ANO1: variants seen among roughly 807,000 people sequenced by gnomAD.
ANO1 encodes the protein anoctamin-1.
A neutral mutation model predicts 124.0 loss-of-function variants in ANO1; 59 were observed. The observed-to-expected ratio is 0.48, with a 90% CI of 0.39 to 0.59. ANO1 has a LOEUF of 0.59. Ranked by LOEUF, ANO1 falls within the 20% of genes least tolerant of loss-of-function variation. The pLI is 0.00. For synonymous variants in ANO1, 529 were observed against 532.0 expected, an observed-to-expected ratio of 0.99 and a Z score of 0.08; for missense variants, 1,059 against 1,328.0, an observed-to-expected ratio of 0.80 and a Z score of 3.15.
chr11:70,076,143 G>A (rs950590310), upstream of ANO1, among the ~76,000 whole-genome samples: 1 of 152,156 alleles, frequency 6.6e-6, no homozygotes, highest in African/African-American at 2.4e-5. Context: ...TGGGGATACT[G>A]GAGAGAAAAA....
rs1040067201 is a variant in ANO1 at position 70,155,790 on chromosome 11, C to T, written c.1426-121C>T. 8 of 868,038 alleles carry T rather than the reference C, an allele frequency of 9.2e-6. No homozygotes were observed. The South Asian group carries it at 9.3e-5, about 10-fold the overall frequency. 53.8% of individuals were successfully genotyped at this position (868,038 alleles called of 1,614,324 possible). A position where few individuals can be genotyped will look rare whatever the true frequency, so the allele number is the denominator to read the frequency against. On this transcript the variant is annotated intron_variant, in intron 14 of 25. Transcript: ENST00000355303. ...CGAGTCAGCCTTGGCAGTGAGCTTA[C>T]GGCCCGCACCAGGAGGGGCCAGCCT...
At chr11:70,187,675 G>C (rs2049186981) in intron 25 of ANO1, 63 bp from the exon 26 acceptor site, 6 of 1,534,182 alleles carry the variant, frequency 3.9e-6, no homozygotes, top group Non-Finnish European at 5.3e-6. Flanking sequence ...GCCAGGCAGA[G>C]AGGTCAGGAG....
chr11:70,037,102 C>T (rs1857107462), intron 1 of ANO1, among the ~76,000 whole-genome samples: 1 of 152,164 alleles, frequency 6.6e-6, no homozygotes, highest in Admixed American at 6.5e-5. Context: ...TCCATCTTCC[C>T]TAACACAGAA....
At chr11:70,151,828 G>A (rs1053788558) in intron 12 of ANO1, among the ~76,000 whole-genome samples, 1 of 152,172 alleles carries the variant, frequency 6.6e-6, no homozygotes, top group Non-Finnish European at 1.5e-5. Flanking sequence ...CTCCTATCAT[G>A]TGACCCATGT....
chr11:70,009,676 C>T (rs1213932668), intron 1 of ANO1, among the ~76,000 whole-genome samples: 1 of 152,072 alleles, frequency 6.6e-6, no homozygotes, highest in Non-Finnish European at 1.5e-5. Context: ...TTTGGTGAGA[C>T]CTCAGGAAGC....
intron 1 of ANO1, among the ~76,000 whole-genome samples, chr11:70,084,326 C>T (rs556247099): frequency 4.4e-4 from 67 of 152,282 alleles, no homozygotes; most frequent in Non-Finnish European, 8.7e-4. Flanking sequence ...TGTAACCCTG[C>T]CCTTGTTTGA....
intron 2 of ANO1, among the ~76,000 whole-genome samples, chr11:70,097,149 A>C (rs529327662): frequency 6.6e-6 from 1 of 152,328 alleles, no homozygotes; most frequent in South Asian, 2.1e-4. Flanking sequence ...CTTTAACAAG[A>C]CATCACTGAG....
chr11:70,015,686 G>C (rs551754495), intron 1 of ANO1: 1 of 152,396 alleles, frequency 6.6e-6, no homozygotes, highest in East Asian at 1.9e-4. Flanking sequence ...GCACTGTGCC[G>C]AGTGGTCGGA....
At chr11:70,160,765 G>A (rs2048010750) in intron 16 of ANO1, among the ~76,000 whole-genome samples, 1 of 152,254 alleles carries the variant, frequency 6.6e-6, no homozygotes, top group African/African-American at 2.4e-5. Context: ...ACAAGCCACT[G>A]GCATGGCGGC....
chr11:70,151,198 GCA>G (rs2047589513), intron 12 of ANO1, among the ~76,000 whole-genome samples: 1 of 152,232 alleles, frequency 6.6e-6, no homozygotes, highest in African/African-American at 2.4e-5. Context: ...ACCTGACCTA[GCA>G]CACAGTCAGT....
chr11:70,009,027 G>A (rs1440658573), intron 1 of ANO1, among the ~76,000 whole-genome samples: 1 of 152,232 alleles, frequency 6.6e-6, no homozygotes, highest in Non-Finnish European at 1.5e-5. Flanking sequence ...TTCCACATGA[G>A]GTTAACATTG....
the ANO1 span, among the ~76,000 whole-genome samples, chr11:69,967,646 C>G: frequency 6.6e-6 from 1 of 152,212 alleles, no homozygotes; most frequent in Non-Finnish European, 1.5e-5. Context: ...GGGCCTGGCA[C>G]CTGCTAAATG....
chr11:70,166,206 T>C (rs1383615414), intron 20 of ANO1, among the ~76,000 whole-genome samples: 1 of 151,938 alleles, frequency 6.6e-6, no homozygotes, highest in African/African-American at 2.4e-5. Context: ...TAGTCCCAGC[T>C]ACCTGGGAGG....
chr11:69,979,951 C>T, the ANO1 span, among the ~76,000 whole-genome samples: 1 of 152,076 alleles, frequency 6.6e-6, no homozygotes, highest in Non-Finnish European at 1.5e-5. Flanking sequence ...TCAGGGCCTC[C>T]CCAGGGTATC....
rs745812366 is a variant in ANO1, at chr11:70,185,648, T to C, written c.2647T>C (p.Phe883Leu). 1 of 1,613,928 alleles carries C rather than the reference T, an allele frequency of 6.2e-7. No individual in the cohort carries two copies. The highest frequency in any genetic ancestry group is 1.1e-5 in the South Asian group (1 of 91,074). ...AAACAAGTACGACATCTCCAAGGAC[T>C]TCTGGGCCGTCCTGGCAGCCCGGCT... ...SENKYDISKD[F>L]WAVLAARLAF... is the part of the protein sequence containing the mutation. Residue 883 changes from phenylalanine (F) to leucine (L), a missense_variant, in exon 25 of 26, where the codon TTC becomes CTC. Coordinates refer to ENST00000355303, the MANE Select transcript of ANO1 (RefSeq NM_018043.7).
At chr11:70,171,655 A>G (rs59332014) in intron 22 of ANO1, among the ~76,000 whole-genome samples, 17,584 of 152,214 alleles carry the variant, frequency 0.12, 1,106 homozygotes, top group Middle Eastern at 0.16. Flanking sequence ...GGGAGAATGT[A>G]TATTTAAGGT....
intron 1 of ANO1, among the ~76,000 whole-genome samples, chr11:70,086,556 A>G (rs1018556593): frequency 6.6e-6 from 1 of 152,292 alleles, no homozygotes; most frequent in South Asian, 2.1e-4. Flanking sequence ...CTCTGCACCC[A>G]AAGGTGACTG....
intron 6 of ANO1, chr11:70,111,099 C>T (rs1333659281): frequency 2.0e-5 from 9 of 456,262 alleles, no homozygotes; most frequent in Non-Finnish European, 3.5e-5. Context: ...GGCCCTTCCA[C>T]CTCACTAATA....
Position 70,103,157 on chromosome 11 carries a change from C to T in ANO1, c.533C>T (p.Thr178Met), listed in dbSNP as rs375072440. 64 of 1,609,810 alleles carry T rather than the reference C, an allele frequency of 4.0e-5. No individual in the cohort carries two copies. Among genetic ancestry groups the T allele is most frequent in the Middle Eastern group, 3.3e-4 (2 of 6,060 alleles). Residue 178 changes from threonine to methionine, a missense_variant, in exon 3 of 26, where the codon ACG becomes ATG. Physicochemically the swap from Thr to Met is moderately conservative, Grantham distance 81 (BLOSUM62 -1). Transcript: ENST00000355303. ...GAGTTTCTGAAACTGAAGATGCCGA[C>T]GAAGAAGGTTGGTGTTGATGGTCCT... ...EAEFLKLKMP[T>M]KKMYHINETR...
Sources: allele counts gnomAD v4.1 joint callset (sites outside exome capture counted in the v4.1 genomes callset), GRCh38; gene constraint gnomAD v4.1.1; transcripts MANE v1.5; gene names NCBI Gene and HGNC (gene_info 2026-07-23, HGNC 2026-07-21).